Variants in CMKLR2 observed in about 807,000 individuals in gnomAD.
CMKLR2 encodes chemerin chemokine-like receptor 2.
A neutral mutation model predicts 23.0 loss-of-function variants in CMKLR2; 18 were observed. That is an observed-to-expected ratio of 0.78 (90% CI 0.54 to 1.16). The LOEUF (loss-of-function observed/expected upper bound fraction) is 1.16. Ranked by LOEUF, CMKLR2 falls within the 50% of genes most tolerant of loss-of-function variation. The pLI, the probability that CMKLR2 is intolerant of heterozygous loss-of-function variation, is 0.00. For missense variants in CMKLR2, 401 were observed against 412.7 expected, an observed-to-expected ratio of 0.97 and a Z score of 0.25; for synonymous variants, 158 against 158.9, an observed-to-expected ratio of 0.99 and a Z score of 0.05.
intron 1 of CMKLR2, among the ~76,000 whole-genome samples, chr2:206,195,220 G>T (rs1393828656): frequency 6.6e-6 from 1 of 152,182 alleles, no homozygotes; most frequent in South Asian, 2.1e-4. Flanking sequence ...AAAGAACTCT[G>T]CAGGGTGATG....
intron 1 of CMKLR2, among the ~76,000 whole-genome samples, chr2:206,193,786 T>C (rs1206168775): frequency 6.6e-6 from 1 of 152,228 alleles, no homozygotes; most frequent in Non-Finnish European, 1.5e-5. Context: ...TATTTAATCA[T>C]GACCTGAATT....
At chr2:206,206,229 A>T (rs1358126489) in intron 1 of CMKLR2, among the ~76,000 whole-genome samples, 1 of 152,214 alleles carries the variant, frequency 6.6e-6, no homozygotes, top group Non-Finnish European at 1.5e-5. Flanking sequence ...AAAGAACTGT[A>T]ATTAAGTATG....
chr2:206,213,409 A>C (rs1689641260), upstream of CMKLR2: 1 of 152,334 alleles, frequency 6.6e-6, no homozygotes, highest in East Asian at 1.9e-4. Context: ...TGCATTCCTC[A>C]TTCCACTTTT....
chr2:206,192,400 T>A (rs1688783022), intron 1 of CMKLR2, among the ~76,000 whole-genome samples: 1 of 151,000 alleles, frequency 6.6e-6, no homozygotes, highest in Non-Finnish European at 1.5e-5. Context: ...TTTATTTTTA[T>A]TTTTATTTTT....
chr2:206,197,999 A>G lies in CMKLR2; in HGVS notation c.-29+15308T>C, dbSNP rs150956166. On this transcript the variant is annotated intron_variant, in intron 1 of 1. Transcript: ENST00000621141. ...ATCTAGGGATTCCAGCCAGTGGAAT[A>G]TTTTCCATGTTGGTTTTCCCCCTTG... Among the ~76,000 whole-genome samples the G allele has an allele frequency of 4.2e-4, 64 of 152,226 alleles. No individual in the cohort carries two copies. The East Asian group carries it at 0.011, about 25-fold the overall frequency.
chr2:206,208,600 T>C (rs1245667667), intron 1 of CMKLR2, among the ~76,000 whole-genome samples: 1 of 152,064 alleles, frequency 6.6e-6, no homozygotes, highest in Non-Finnish European at 1.5e-5. Context: ...AACAAATATT[T>C]ATATAAAATG....
At chr2:206,205,543 T>A (rs915218180) in intron 1 of CMKLR2, among the ~76,000 whole-genome samples, 2 of 150,910 alleles carry the variant, frequency 1.3e-5, no homozygotes, top group African/African-American at 4.9e-5. Flanking sequence ...TTTTTTTTTT[T>A]AAATTTGGGG....
At chr2:206,200,386 G>C (rs1336032907) in intron 1 of CMKLR2, among the ~76,000 whole-genome samples, 2 of 152,026 alleles carry the variant, frequency 1.3e-5, no homozygotes, top group Non-Finnish European at 2.9e-5. Flanking sequence ...TGGCGCCATT[G>C]CACTCCAGCC....
Position 206,177,196 on chromosome 2 carries a change from C to G in CMKLR2, c.52G>C (p.Asp18His). 1 of 1,613,104 alleles carries G rather than the reference C, an allele frequency of 6.2e-7. No individual in the cohort carries two copies. Among genetic ancestry groups the G allele is most frequent in the Non-Finnish European group, 8.5e-7 (1 of 1,179,618 alleles). ...GACTCCAGAGAGTAATAGTCTAGGT[C>G]ATAGGAATAGTTTTCAAATTCTTCA... is the stretch of plus-strand genomic sequence containing the variant. The part of the protein sequence containing the change: ...LFEEFENYSY[D>H]LDYYSLESDL... The change falls in exon 2 of 2, where the codon GAC becomes CAC. Residue 18 changes from aspartate (D) to histidine (H), a missense_variant. Physicochemically the swap from Asp to His is moderately conservative, Grantham distance 81. Transcript: ENST00000621141.
upstream of CMKLR2, chr2:206,217,674 A>G (rs1689798043): frequency 1.3e-5 from 2 of 152,206 alleles, no homozygotes; most frequent in African/African-American, 2.4e-5. Flanking sequence ...CTTCACTTTT[A>G]ATATGCCAAA....
rs766442119 is a variant in CMKLR2 at position 206,176,468 on chromosome 2, A to G, written c.780T>C (p.Thr260=). Residue 260 remains threonine (T), a synonymous_variant, in exon 2 of 2, where the codon ACT becomes ACC. Coordinates refer to ENST00000621141, the MANE Select transcript of CMKLR2 (RefSeq NM_001389445.1). ...VVVVAFVVCW[T]PYHLFSIWEL... ...CCCAAATGCTAAACAGGTGATAAGG[A>G]GTCCAGCAAACCACAAAGGCCACAA... The G allele has an allele frequency of 3.7e-6, 6 of 1,614,104 alleles. No individual in the cohort carries two copies. In the South Asian group the frequency reaches 6.6e-5, roughly 18 times the overall value.
chr2:206,177,573 G>C (rs1231943961), intron 1 of CMKLR2, among the ~76,000 whole-genome samples: 2 of 152,060 alleles, frequency 1.3e-5, no homozygotes. Context: ...TTTTTGTAGA[G>C]ATGAGGTCTC....
At chr2:206,200,142 G>A (rs1182319015) in intron 1 of CMKLR2, among the ~76,000 whole-genome samples, 1 of 151,904 alleles carries the variant, frequency 6.6e-6, no homozygotes, top group African/African-American at 2.4e-5. Context: ...ATGGTGGGTC[G>A]GCCGGACGCA....
intron 1 of CMKLR2, among the ~76,000 whole-genome samples, chr2:206,202,456 T>C (rs1470545948): frequency 6.6e-6 from 1 of 152,158 alleles, no homozygotes; most frequent in Non-Finnish European, 1.5e-5. Context: ...TGGTTTTGTG[T>C]GTGTTTTTTC....
At chr2:206,183,867 A>G (rs2105805831) in intron 1 of CMKLR2, among the ~76,000 whole-genome samples, 1 of 152,340 alleles carries the variant, frequency 6.6e-6, no homozygotes. Flanking sequence ...AGGTACTTCC[A>G]GATCTAAGTA....
intron 1 of CMKLR2, among the ~76,000 whole-genome samples, chr2:206,186,131 T>G (rs1202749161): frequency 7.1e-6 from 1 of 140,138 alleles, no homozygotes; most frequent in Non-Finnish European, 1.6e-5. Context: ...TTTTTTTTTT[T>G]GATGGAGTCT....
intron 1 of CMKLR2, among the ~76,000 whole-genome samples, chr2:206,185,853 A>AC (rs1477929148): frequency 6.6e-6 from 1 of 152,134 alleles, no homozygotes; most frequent in African/African-American, 2.4e-5. Flanking sequence ...AGCCTTCTGT[A>AC]CCAGAGTCCA....
Position 206,186,858 on chromosome 2 carries a change from A to G in CMKLR2, c.-28-9583T>C, listed in dbSNP as rs368894920. Among the ~76,000 whole-genome samples, 13 of 148,764 alleles carry G rather than the reference A, an allele frequency of 8.7e-5. 1 individual carries two copies. In the East Asian group the frequency reaches 1.8e-3, roughly 20 times the overall value. The stretch of plus-strand genomic sequence containing the variant: ...CAGGCTGGAGAGCAGTGGCAGAATC[A>G]TAGCTCACTAGGCAGTAACCCAGTT... On this transcript the variant is annotated intron_variant, in intron 1 of 1. Coordinates refer to ENST00000621141, the MANE Select transcript of CMKLR2 (RefSeq NM_001389445.1).
At chr2:206,186,117 C>CTTTT (rs11317836) in intron 1 of CMKLR2, among the ~76,000 whole-genome samples, 2 of 140,368 alleles carry the variant, frequency 1.4e-5, no homozygotes, top group African/African-American at 5.3e-5. Context: ...GTGGAATGGG[C>CTTTT]TTTTTTTTTT....
Sources: allele counts gnomAD v4.1 joint callset (sites outside exome capture counted in the v4.1 genomes callset), GRCh38; gene constraint gnomAD v4.1.1; transcripts MANE v1.5; gene names NCBI Gene and HGNC (gene_info 2026-07-23, HGNC 2026-07-21).